The following UBE2H variants were observed in gnomAD, a reference collection of about 807,000 sequenced individuals.
UBE2H encodes the protein ubiquitin conjugating enzyme E2 H, also known as ubiquitin-conjugating enzyme E2 H.
Under a neutral mutation model 29.0 loss-of-function variants are expected in UBE2H, and 3 were observed. That is an observed-to-expected ratio of 0.10 (90% CI 0.05 to 0.27). The LOEUF (loss-of-function observed/expected upper bound fraction) is 0.27. Ranked by LOEUF, UBE2H falls within the 10% of genes least tolerant of loss-of-function variation. UBE2H has a pLI of 1.00. For missense variants in UBE2H, 68 were observed against 228.2 expected (o/e 0.30, Z 4.52); for synonymous variants, 69 against 82.9 (o/e 0.83, Z 0.91).
intron 3 of UBE2H, among the ~76,000 whole-genome samples, chr7:129,868,839 A>T (rs1805968646): frequency 6.6e-6 from 1 of 151,706 alleles, no homozygotes; most frequent in Non-Finnish European, 1.5e-5. Context: ...GAACTTCAGC[A>T]CCTGGCTTGG....
chr7:129,857,449 AAAC>A (rs557123240), intron 5 of UBE2H, 59 bp downstream of exon 5: 929 of 1,551,354 alleles, frequency 6.0e-4, no homozygotes, highest in Middle Eastern at 4.9e-3. Context: ...AAGAAAAGCC[AAAC>A]AACATTTTTT....
At chr7:129,899,603 C>T (rs1026672865) in intron 1 of UBE2H, among the ~76,000 whole-genome samples, 4 of 152,058 alleles carry the variant, frequency 2.6e-5, no homozygotes, top group Admixed American at 6.5e-5. Context: ...TCAGGATTCA[C>T]GAACAAAAAC....
intron 5 of UBE2H, among the ~76,000 whole-genome samples, chr7:129,850,557 C>T (rs1255176344): frequency 6.6e-6 from 1 of 152,026 alleles, no homozygotes; most frequent in Admixed American, 6.5e-5. Context: ...GTGGCACACG[C>T]CTGTAATCCC....
intron 5 of UBE2H, among the ~76,000 whole-genome samples, chr7:129,847,050 C>T (rs1000495081): frequency 6.6e-6 from 1 of 151,196 alleles, no homozygotes; most frequent in Non-Finnish European, 1.5e-5. Context: ...GACGGAGTCT[C>T]GCTCTATCTC....
chr7:129,904,510 C>T (rs1806778086), intron 1 of UBE2H, among the ~76,000 whole-genome samples: 1 of 152,180 alleles, frequency 6.6e-6, no homozygotes, highest in South Asian at 2.1e-4. Flanking sequence ...TTCTCTACCT[C>T]ATTCTATTGT....
At chr7:129,855,907 A>G (rs986906782) in intron 5 of UBE2H, among the ~76,000 whole-genome samples, 3 of 152,156 alleles carry the variant, frequency 2.0e-5, no homozygotes, top group Non-Finnish European at 4.4e-5. Flanking sequence ...TATGTATTAA[A>G]AAATAATTTT....
chr7:129,952,605 G>A lies in UBE2H; in HGVS notation c.-50C>T. 10 of 1,600,654 alleles carry A rather than the reference G, an allele frequency of 6.2e-6. No individual in the cohort carries two copies. The highest frequency in any genetic ancestry group is 8.5e-6 in the Non-Finnish European group (10 of 1,175,254). ...TCCTCGGCCCGTCTGTCACGGGCCC[G>A]GGGCCCCGGCTCTGAGGAGCCCGCG... On this transcript the variant is annotated 5_prime_UTR_variant, in exon 1 of 7. Coordinates refer to ENST00000355621, the MANE Select transcript of UBE2H (RefSeq NM_003344.4).
chr7:129,847,230 C>G (rs901857170), intron 5 of UBE2H, among the ~76,000 whole-genome samples: 1 of 152,016 alleles, frequency 6.6e-6, no homozygotes, highest in Non-Finnish European at 1.5e-5. Flanking sequence ...GTAGAGACAG[C>G]GTTTTGCCAT....
intron 1 of UBE2H, among the ~76,000 whole-genome samples, chr7:129,932,453 A>C (rs1807426724): frequency 6.6e-6 from 1 of 152,104 alleles, no homozygotes; most frequent in Admixed American, 6.6e-5. Flanking sequence ...TCTTTTAACC[A>C]GGCATAATTT....
intron 1 of UBE2H, among the ~76,000 whole-genome samples, chr7:129,946,355 G>A (rs115501551): frequency 0.047 from 7,132 of 152,070 alleles, 189 homozygotes; most frequent in South Asian, 0.13. Context: ...CACCGCGCCC[G>A]GCCCCTAGTC....
chr7:129,952,087 G>C (rs1807888468), intron 1 of UBE2H, among the ~76,000 whole-genome samples: 1 of 152,086 alleles, frequency 6.6e-6, no homozygotes, highest in African/African-American at 2.4e-5. Flanking sequence ...CTCAAGAAAC[G>C]GAGAAAGGCT....
chr7:129,932,184 C>T (rs1301794417), intron 1 of UBE2H, among the ~76,000 whole-genome samples: 4 of 149,048 alleles, frequency 2.7e-5, no homozygotes, highest in Admixed American at 1.3e-4. Flanking sequence ...AGTGCAGTGG[C>T]GCAATCTCGG....
In UBE2H at chr7:129,949,797, T is replaced by A. The variant is rs541075949; in HGVS notation, c.53+2706A>T. 7.9e-5 allele frequency among the ~76,000 whole-genome samples: 12 copies of A among 152,256 alleles called. No homozygotes were observed. The East Asian group carries it at 2.1e-3, about 27-fold the overall frequency. On this transcript the variant is annotated intron_variant, in intron 1 of 6. Coordinates refer to ENST00000355621, the MANE Select transcript of UBE2H (RefSeq NM_003344.4). ...CTACTATATAGGTTCCCTGCCAGGC[T>A]GTAAATCGTGGTGGTATAATTACGC...
chr7:129,914,777 C>A (rs1807010802), intron 1 of UBE2H, among the ~76,000 whole-genome samples: 1 of 152,152 alleles, frequency 6.6e-6, no homozygotes, highest in Non-Finnish European at 1.5e-5. Flanking sequence ...TGTTCAGAGT[C>A]AAAGCTCCCG....
intron 1 of UBE2H, chr7:129,949,151 G>T (rs1223605238): frequency 1.1e-5 from 4 of 363,822 alleles, no homozygotes; most frequent in Non-Finnish European, 2.3e-5. Flanking sequence ...AGGGTGAGAC[G>T]AGTAACCCCC....
chr7:129,952,426 C>A, intron 1 of UBE2H, 77 bp downstream of exon 1: 6 of 1,562,360 alleles, frequency 3.8e-6, no homozygotes, highest in Non-Finnish European at 5.2e-6. Context: ...AGGGCCCTTG[C>A]AGTGGTTCCG....
chr7:129,919,155 A>C (rs2116465592), intron 1 of UBE2H, among the ~76,000 whole-genome samples: 1 of 151,158 alleles, frequency 6.6e-6, no homozygotes, highest in East Asian at 1.9e-4. Context: ...ATGAAAGGAA[A>C]TGTGTCATAT....
At chr7:129,945,024 G>A (rs1324117048) in intron 1 of UBE2H, among the ~76,000 whole-genome samples, 1 of 152,052 alleles carries the variant, frequency 6.6e-6, no homozygotes, top group South Asian at 2.1e-4. Context: ...CACAAAAAGA[G>A]TATGTACTGA....
chr7:129,836,406 G>T (rs1342820695), intron 6 of UBE2H, among the ~76,000 whole-genome samples: 3 of 152,210 alleles, frequency 2.0e-5, no homozygotes, highest in Admixed American at 6.5e-5. Flanking sequence ...GGAAACAGAG[G>T]AAGATAAAAG....
Sources: gnomAD v4.1 joint callset for allele counts (sites outside exome capture counted in the v4.1 genomes callset) on GRCh38, gnomAD v4.1.1 for gene constraint, MANE v1.5 for transcripts, NCBI Gene and HGNC (gene_info 2026-07-23, HGNC 2026-07-21) for gene names.